SEMA5A: variants seen among roughly 807,000 people sequenced by gnomAD.
SEMA5A encodes the protein semaphorin 5A.
In SEMA5A, 55 loss-of-function variants were observed where a neutral mutation model predicts 135.5. The observed-to-expected ratio is 0.41, with a 90% CI of 0.33 to 0.51. The LOEUF (loss-of-function observed/expected upper bound fraction) is 0.51. SEMA5A is among the 20% of genes least tolerant of loss of function. SEMA5A has a pLI of 0.37. For missense variants in SEMA5A, 1,290 were observed against 1,419.9 expected, an observed-to-expected ratio of 0.91 and a Z score of 1.47; for synonymous variants, 580 against 546.5, an observed-to-expected ratio of 1.06 and a Z score of -0.85.
chr5:9,365,415 C>T (rs563474011), intron 3 of SEMA5A, among the ~76,000 whole-genome samples: 8 of 152,208 alleles, frequency 5.3e-5, no homozygotes, highest in East Asian at 3.9e-4. Flanking sequence ...CAATGGGGCT[C>T]GGCAGGAGAC....
At chr5:9,070,060 C>A (rs1404273727) in intron 16 of SEMA5A, among the ~76,000 whole-genome samples, 4 of 152,152 alleles carry the variant, frequency 2.6e-5, no homozygotes, top group African/African-American at 7.2e-5. Flanking sequence ...GAGTTCCTTG[C>A]TGAAATGGGC....
At chr5:9,383,431 A>G (rs1755700111) in intron 2 of SEMA5A, among the ~76,000 whole-genome samples, 1 of 152,206 alleles carries the variant, frequency 6.6e-6, no homozygotes, top group Admixed American at 6.5e-5. Flanking sequence ...TGATAAAGAT[A>G]AAATGGGAAG....
intron 5 of SEMA5A, among the ~76,000 whole-genome samples, chr5:9,242,654 C>T (rs1450163361): frequency 6.6e-6 from 1 of 152,118 alleles, no homozygotes; most frequent in Non-Finnish European, 1.5e-5. Context: ...AGACAACCAA[C>T]GTGGTGCAGT....
intron 16 of SEMA5A, among the ~76,000 whole-genome samples, chr5:9,073,908 G>T (rs1480649469): frequency 1.3e-5 from 2 of 152,018 alleles, no homozygotes; most frequent in South Asian, 2.1e-4. Flanking sequence ...AAAAAAATAT[G>T]TGCATGACTT....
intron 9 of SEMA5A, among the ~76,000 whole-genome samples, chr5:9,198,897 C>T (rs77646021): frequency 0.012 from 1,873 of 152,182 alleles, 17 homozygotes; most frequent in South Asian, 0.027. Flanking sequence ...GGGGATATTA[C>T]GAATAATAAC....
intron 8 of SEMA5A, among the ~76,000 whole-genome samples, chr5:9,221,492 C>T (rs28654166): frequency 0.12 from 17,585 of 150,454 alleles, 1,747 homozygotes; most frequent in African/African-American, 0.27. Context: ...TTAGTAGAGA[C>T]GGGGTTTCAC....
chr5:9,421,468 T>C (rs1411861320), intron 2 of SEMA5A, among the ~76,000 whole-genome samples: 1 of 152,236 alleles, frequency 6.6e-6, no homozygotes, highest in Non-Finnish European at 1.5e-5. Context: ...ATATGTATGC[T>C]GGTATTTTTA....
At chr5:9,138,398 T>C (rs1460062532) in intron 12 of SEMA5A, among the ~76,000 whole-genome samples, 4 of 152,184 alleles carry the variant, frequency 2.6e-5, no homozygotes, top group African/African-American at 9.7e-5. Flanking sequence ...ATATATGTTT[T>C]ATATAATAAT....
intron 1 of SEMA5A, chr5:9,498,663 G>A: frequency 6.6e-6 from 1 of 152,080 alleles, no homozygotes; most frequent in East Asian, 1.9e-4. Context: ...GCCTCATATT[G>A]CAAATCGGCG....
chr5:9,478,062 G>A (rs1327695299), intron 1 of SEMA5A, among the ~76,000 whole-genome samples: 1 of 152,184 alleles, frequency 6.6e-6, no homozygotes, highest in East Asian at 1.9e-4. Flanking sequence ...GACTATAGGG[G>A]CCAAGGTACA....
At position 9,198,962 on chromosome 5, in the gene SEMA5A, C is replaced by T. The variant is rs562085933; in HGVS notation, c.933-1659G>A. The stretch of plus-strand genomic sequence containing the variant: ...TTGATACAGATCATCTAATTTCTCA[C>T]TGAGAACCTACAGATCCTGAGAAGA... On this transcript the variant is annotated intron_variant, in intron 9 of 22. Coordinates refer to ENST00000382496, the MANE Select transcript of SEMA5A (RefSeq NM_003966.3). Among the ~76,000 whole-genome samples, 6 of 152,252 alleles carry T rather than the reference C, an allele frequency of 3.9e-5. No homozygotes were observed. The South Asian group carries it at 8.3e-4, about 21-fold the overall frequency.
At position 9,122,602 on chromosome 5, in the gene SEMA5A, G is replaced by T. The variant is rs377091183; in HGVS notation, c.1781+54C>A. 3 of 1,415,050 alleles carry T rather than the reference G, an allele frequency of 2.1e-6. No individual in the cohort carries two copies. The East Asian group carries it at 7.6e-5, about 36-fold the overall frequency. 87.7% of individuals were successfully genotyped at this position (1,415,050 alleles called of 1,614,324 possible). On this transcript the variant is annotated intron_variant, in intron 14 of 22. Coordinates refer to ENST00000382496, the MANE Select transcript of SEMA5A (RefSeq NM_003966.3). ...TTATAAATGATGTCCCAAACTCCTC[G>T]AGAATCTGAGTTTAATACACAGCAG...
chr5:9,271,008 TG>T (rs1432009948), intron 5 of SEMA5A, among the ~76,000 whole-genome samples: 2 of 152,152 alleles, frequency 1.3e-5, no homozygotes, highest in East Asian at 3.9e-4. Flanking sequence ...GATACGGTTT[TG>T]TTCTCTGTCC....
chr5:9,211,226 T>A (rs1206026793), intron 8 of SEMA5A, among the ~76,000 whole-genome samples: 1 of 150,902 alleles, frequency 6.6e-6, no homozygotes, highest in African/African-American at 2.4e-5. Context: ...GAACTTATTG[T>A]TCACAAGGTC....
At chr5:9,289,622 G>A (rs960609253) in intron 5 of SEMA5A, among the ~76,000 whole-genome samples, 10 of 151,320 alleles carry the variant, frequency 6.6e-5, no homozygotes, top group South Asian at 2.1e-4. Context: ...ACGAGATTGC[G>A]CCACTGCATT....
At chr5:9,403,468 T>C (rs2126575975) in intron 2 of SEMA5A, among the ~76,000 whole-genome samples, 1 of 152,308 alleles carries the variant, frequency 6.6e-6, no homozygotes, top group East Asian at 1.9e-4. Context: ...GCTGGGTGAC[T>C]TTGGGCGAGT....
chr5:9,202,937 G>T (rs1745800808), intron 8 of SEMA5A, among the ~76,000 whole-genome samples: 1 of 152,136 alleles, frequency 6.6e-6, no homozygotes, highest in African/African-American at 2.4e-5. Context: ...ACATTGCTTT[G>T]TAGTTTTCTG....
chr5:9,081,682 G>A (rs1173078682), intron 16 of SEMA5A, among the ~76,000 whole-genome samples: 1 of 152,182 alleles, frequency 6.6e-6, no homozygotes, highest in Non-Finnish European at 1.5e-5. Flanking sequence ...TACAATTCAT[G>A]TTATTTTAAG....
At chr5:9,529,178 A>C (rs464267) in intron 1 of SEMA5A, among the ~76,000 whole-genome samples, 52,015 of 152,106 alleles carry the variant, frequency 0.34, 9,079 homozygotes, top group East Asian at 0.4. Context: ...CTGCCACCCA[A>C]CTGTGGCCGT....
Sources: allele counts gnomAD v4.1 joint callset (sites outside exome capture counted in the v4.1 genomes callset), GRCh38; gene constraint gnomAD v4.1.1; transcripts MANE v1.5; gene names NCBI Gene and HGNC (gene_info 2026-07-23, HGNC 2026-07-21).